Variants in TSPAN9 observed in about 807,000 individuals in gnomAD.
TSPAN9 encodes the protein tetraspanin-9.
In TSPAN9, 16 loss-of-function variants were observed where a neutral mutation model predicts 31.0. The ratio of observed to expected loss-of-function variants is 0.52; its 90% CI spans 0.35 to 0.78. The LOEUF (loss-of-function observed/expected upper bound fraction) is 0.78. TSPAN9 is among the 30% of genes least tolerant of loss of function. The pLI is 0.01. For missense variants in TSPAN9, 272 were observed against 312.5 expected, an observed-to-expected ratio of 0.87 and a Z score of 0.98; for synonymous variants, 145 against 121.6, an observed-to-expected ratio of 1.19 and a Z score of -1.27.
chr12:3,265,119 G>T (rs1001662050), intron 3 of TSPAN9, among the ~76,000 whole-genome samples: 1 of 152,228 alleles, frequency 6.6e-6, no homozygotes, highest in Non-Finnish European at 1.5e-5. Flanking sequence ...GGGCAGATGT[G>T]TGCAAGGTAC....
chr12:3,118,267 T>G (rs1158302653), intron 2 of TSPAN9, among the ~76,000 whole-genome samples: 2 of 109,386 alleles, frequency 1.8e-5, no homozygotes, highest in Admixed American at 1.0e-4. Context: ...TTTTTTTTTT[T>G]TTTTTTTTTT....
At chr12:3,230,997 C>T (rs2098390455) in intron 3 of TSPAN9, among the ~76,000 whole-genome samples, 1 of 152,100 alleles carries the variant, frequency 6.6e-6, no homozygotes, top group Non-Finnish European at 1.5e-5. Flanking sequence ...ATAAAGGGCC[C>T]AGCGTGACCT....
intron 3 of TSPAN9, among the ~76,000 whole-genome samples, chr12:3,272,154 T>G (rs1024675670): frequency 2.0e-5 from 3 of 152,120 alleles, no homozygotes; most frequent in Non-Finnish European, 2.9e-5. Flanking sequence ...ACCAGTGACA[T>G]CTGATGCCAG....
intron 2 of TSPAN9, among the ~76,000 whole-genome samples, chr12:3,094,605 C>T (rs9651891): frequency 0.12 from 17,525 of 149,650 alleles, 1,235 homozygotes; most frequent in East Asian, 0.35. Flanking sequence ...GGTGCAGTCT[C>T]GGCTCACCAC....
At chr12:3,228,397 C>T (rs2098388980) in intron 3 of TSPAN9, among the ~76,000 whole-genome samples, 1 of 152,218 alleles carries the variant, frequency 6.6e-6, no homozygotes, top group South Asian at 2.1e-4. Flanking sequence ...CTCCTCACAT[C>T]CTGCTTTTCA....
intron 2 of TSPAN9, among the ~76,000 whole-genome samples, chr12:3,191,997 C>T (rs1490601071): frequency 6.6e-6 from 1 of 152,080 alleles, no homozygotes; most frequent in Non-Finnish European, 1.5e-5. Context: ...AGAGTGAAGC[C>T]AGGCAGTGGG....
At chr12:3,137,646 C>T (rs573354459) in intron 2 of TSPAN9, among the ~76,000 whole-genome samples, 1 of 152,274 alleles carries the variant, frequency 6.6e-6, no homozygotes, top group South Asian at 2.1e-4. Context: ...TCATCTCCCC[C>T]ACCCCCTGCT....
intron 2 of TSPAN9, chr12:3,149,896 TTGC>T (rs1203458867): frequency 6.6e-6 from 1 of 152,274 alleles, no homozygotes; most frequent in African/African-American, 2.4e-5. Context: ...GAGAAATCCC[TTGC>T]TGAACAGATA....
chr12:3,101,859 G>A (rs868791860), intron 2 of TSPAN9, among the ~76,000 whole-genome samples: 28 of 152,146 alleles, frequency 1.8e-4, no homozygotes, highest in African/African-American at 5.8e-4. Context: ...GAAGCCTGGC[G>A]GCCTTGCTGC....
intron 2 of TSPAN9, among the ~76,000 whole-genome samples, chr12:3,124,567 C>T (rs61916306): frequency 0.14 from 20,680 of 151,636 alleles, 1,743 homozygotes; most frequent in Middle Eastern, 0.22. Context: ...ACAACCAACA[C>T]GCGTGGCTAA....
At chr12:3,197,788 AC>A (rs2098367963) in intron 2 of TSPAN9, among the ~76,000 whole-genome samples, 1 of 20,796 alleles carries the variant, frequency 4.8e-5, no homozygotes, top group Non-Finnish European at 1.2e-4. Flanking sequence ...AGCACAGGTC[AC>A]CATCAGCACA....
In TSPAN9 at chr12:3,283,154, C is replaced by T; in HGVS notation, c.*38C>T. ...GGAGTGCCCACCCCGCCCTGCTGCC[C>T]TGTGGAGGGAAGAGGATTGAGCTTT... On this transcript the variant is annotated 3_prime_UTR_variant, in exon 9 of 9. Transcript: ENST00000011898. The T allele has an allele frequency of 1.9e-6, 3 of 1,598,006 alleles. No homozygotes were observed. The South Asian group carries it at 3.3e-5, about 18-fold the overall frequency.
intron 2 of TSPAN9, among the ~76,000 whole-genome samples, chr12:3,138,840 G>C (rs1244788761): frequency 6.6e-6 from 1 of 152,042 alleles, no homozygotes; most frequent in African/African-American, 2.4e-5. Context: ...TTCTTTCCCT[G>C]CACTTATCTG....
At chr12:3,281,450 G>A in intron 7 of TSPAN9, 121 bp downstream of exon 7, 1 of 1,390,598 alleles carries the variant, frequency 7.2e-7, no homozygotes. Context: ...TGGCGGTGGG[G>A]GGCTCACAAA....
At chr12:3,155,723 T>C (rs374183597) in intron 2 of TSPAN9, among the ~76,000 whole-genome samples, 121 of 152,254 alleles carry the variant, frequency 7.9e-4, no homozygotes, top group South Asian at 3.9e-3. Context: ...AAGACTGGAT[T>C]AGGTGGGTGC....
At chr12:3,185,045 T>A (rs565637276) in intron 2 of TSPAN9, among the ~76,000 whole-genome samples, 1 of 152,194 alleles carries the variant, frequency 6.6e-6, no homozygotes, top group African/African-American at 2.4e-5. Context: ...GAAACACAGA[T>A]AATAACGAGG....
At chr12:3,281,447 G>A (rs953203092) in intron 7 of TSPAN9, 118 bp downstream of exon 7, 25 of 1,408,530 alleles carry the variant, frequency 1.8e-5, no homozygotes, top group Non-Finnish European at 2.2e-5. Context: ...ATGTGGCGGT[G>A]GGGGGCTCAC....
intron 2 of TSPAN9, among the ~76,000 whole-genome samples, chr12:3,157,333 C>T (rs2098342773): frequency 6.6e-6 from 1 of 152,026 alleles, no homozygotes; most frequent in Non-Finnish European, 1.5e-5. Flanking sequence ...AATCTCCTGA[C>T]CGCATGATCC....
intron 2 of TSPAN9, chr12:3,173,682 A>C (rs760403701): frequency 5.3e-5 from 8 of 152,026 alleles, no homozygotes; most frequent in African/African-American, 1.9e-4. Flanking sequence ...TTTTGTAGAG[A>C]TGGGGGTCTT....
Sources: gnomAD v4.1 joint callset for allele counts (sites outside exome capture counted in the v4.1 genomes callset) on GRCh38, gnomAD v4.1.1 for gene constraint, MANE v1.5 for transcripts, NCBI Gene and HGNC (gene_info 2026-07-23, HGNC 2026-07-21) for gene names.